The following ERLIN2 variants were observed in gnomAD, a reference collection of about 807,000 sequenced individuals.
ERLIN2 encodes the protein ER lipid raft associated 2.
In ERLIN2, 22 loss-of-function variants were observed where a neutral mutation model predicts 41.5. The ratio of observed to expected loss-of-function variants is 0.53; its 90% CI spans 0.38 to 0.76. ERLIN2 has a LOEUF of 0.76. ERLIN2 is among the 30% of genes least tolerant of loss of function. The probability of loss-of-function intolerance (pLI) is 0.00; values close to 1 mark genes in which losing one functional copy is unlikely to be tolerated. For missense variants in ERLIN2, 247 were observed against 414.3 expected (o/e 0.60, Z 3.51); for synonymous variants, 149 against 150.9 (o/e 0.99, Z 0.09).
At position 37,740,414 on chromosome 8, in the gene ERLIN2, C is replaced by T; in HGVS notation, c.157C>T (p.Leu53Phe). ...CAGCGGCCCTGGTTTCCATCTCATG[C>T]TCCCTTTCATCACATCATATAAGTC... ...STSGPGFHLM[L>F]PFITSYKSVQ... Residue 53 changes from leucine (L) to phenylalanine (F), a missense_variant, in exon 3 of 12, where the codon CTC becomes TTC. By Grantham distance (22) the Leu-to-Phe change is conservative. Coordinates refer to ENST00000519638, the MANE Select transcript of ERLIN2 (RefSeq NM_007175.8). The T allele has an allele frequency of 6.2e-7, 1 of 1,613,244 alleles. No individual in the cohort carries two copies.
chr8:37,738,089 A>G (rs1475663524), intron 2 of ERLIN2, 60 bp downstream of exon 2: 2 of 1,597,020 alleles, frequency 1.3e-6, no homozygotes, highest in East Asian at 2.2e-5. Flanking sequence ...TTTCCTGGTC[A>G]TTGCTTTCCT....
chr8:37,744,542 T>C, intron 5 of ERLIN2, 29 bp from the exon 6 acceptor site: 1 of 1,614,134 alleles, frequency 6.2e-7, no homozygotes, highest in Non-Finnish European at 8.5e-7. Context: ...TTGCCTTTTC[T>C]TATGCCAAGC....
rs1802856822 is a variant in ERLIN2 at position 37,741,704 on chromosome 8, G to A, written c.190-68G>A. 2 of 1,193,158 alleles carry A rather than the reference G, an allele frequency of 1.7e-6. No individual in the cohort carries two copies. Among genetic ancestry groups the A allele is most frequent in the Non-Finnish European group, 2.5e-6 (2 of 795,622 alleles). 73.9% of individuals were successfully genotyped at this position (1,193,158 alleles called of 1,614,324 possible). On this transcript the variant is annotated intron_variant, in intron 3 of 11. Coordinates refer to ENST00000519638, the MANE Select transcript of ERLIN2 (RefSeq NM_007175.8). The surrounding 1 kb of genome is among the most constrained non-coding windows in gnomAD (Gnocchi z 4.8). ...AGTTATTCCAGGACAAAGGCATTTA[G>A]GATTCTGAAAAGTAAGTTACTTTGT...
At position 37,754,218 on chromosome 8, in the gene ERLIN2, C is replaced by A; in HGVS notation, c.*103C>A. ...CCGACTACCTTCTCTGACTGTCTTC[C>A]AGTTACTGTGGTGAAAAAGAAGAAA... On this transcript the variant is annotated 3_prime_UTR_variant, in exon 12 of 12. Transcript: ENST00000519638. 1.1e-6 allele frequency: 1 copy of A among 881,672 alleles called. No homozygotes were observed. The highest frequency in any genetic ancestry group is 1.7e-5 in the African/African-American group (1 of 60,304). 54.6% of individuals were successfully genotyped at this position (881,672 alleles called of 1,614,324 possible).
At chr8:37,747,942 G>C (rs1563315342) in intron 6 of ERLIN2, 2 of 1,614,150 alleles carry the variant, frequency 1.2e-6, no homozygotes, top group Non-Finnish European at 1.7e-6. Context: ...TCTCGCCGTC[G>C]TCATATTCCT....
chr8:37,745,244 T>C, intron 6 of ERLIN2: 1 of 460,670 alleles, frequency 2.2e-6, no homozygotes, highest in Non-Finnish European at 3.8e-6. Context: ...TAGTTAATTC[T>C]AGAAGTGAGA....
rs1173254445 is a variant in ERLIN2 at position 37,750,466 on chromosome 8, A to C, written c.629A>C (p.Glu210Ala). 1 of 1,613,380 alleles carries C rather than the reference A, an allele frequency of 6.2e-7. No homozygotes were observed. Among genetic ancestry groups the C allele is most frequent in the African/African-American group, 1.3e-5 (1 of 74,916 alleles). ...GTGGTGGAAAAGGAAGCAGAGACAG[A>C]GCGGAAGAAGGCGCTCATTGGTCTG... ...QKVVEKEAET[E>A]RKKALIEAEK... The change falls in exon 9 of 12, where the codon GAG becomes GCG. Residue 210 changes from glutamate (E) to alanine (A), a missense_variant. By Grantham distance (107) the Glu-to-Ala change is moderately radical (BLOSUM62 -1). This residue lies in a region of ERLIN2 where 153 missense variants were observed against 256.4 expected (regional missense o/e 0.60). Coordinates refer to ENST00000519638, the MANE Select transcript of ERLIN2 (RefSeq NM_007175.8).
intron 10 of ERLIN2, among the ~76,000 whole-genome samples, chr8:37,752,232 C>T (rs2129721062): frequency 6.6e-6 from 1 of 152,310 alleles, no homozygotes; most frequent in African/African-American, 2.4e-5. Flanking sequence ...TCTTTGCTGG[C>T]TTTTCTGAAT....
At chr8:37,740,264 T>C (rs1163972163) in intron 2 of ERLIN2, 101 bp from the exon 3 acceptor site, 1 of 797,526 alleles carries the variant, frequency 1.3e-6, no homozygotes, top group African/African-American at 1.7e-5. Flanking sequence ...CTCTCTATTA[T>C]ATGTTTATAG....
rs556788208 is a variant in ERLIN2 at position 37,738,321 on chromosome 8, A to G, written c.107+292A>G. Among the ~76,000 whole-genome samples, 28 of 152,318 alleles carry G rather than the reference A, an allele frequency of 1.8e-4. No individual in the cohort carries two copies. The South Asian group carries it at 5.6e-3, about 30-fold the overall frequency. ...AATCTAAAGGAAACTGGTGCTCCTC[A>G]TTGATCATCCCTAAAATACTGTTTT... On this transcript the variant is annotated intron_variant, in intron 2 of 11. Transcript: ENST00000519638.
intron 6 of ERLIN2, chr8:37,746,596 C>T (rs1803060896): frequency 2.2e-6 from 2 of 890,388 alleles, no homozygotes; most frequent in Admixed American, 6.2e-5. Context: ...TAATGTATCC[C>T]TCCTATGTAT....
intron 8 of ERLIN2, chr8:37,750,090 AG>A (rs1397104576): frequency 1.9e-5 from 12 of 631,108 alleles, no homozygotes; most frequent in Non-Finnish European, 3.1e-5. Context: ...GAAAAGGGCC[AG>A]GGGGCCTTGT....
chr8:37,752,643 C>T (rs1217911911), intron 10 of ERLIN2, among the ~76,000 whole-genome samples: 1 of 152,194 alleles, frequency 6.6e-6, no homozygotes, highest in African/African-American at 2.4e-5. Context: ...CACAGACTAA[C>T]CTTTCTCCCA....
intron 6 of ERLIN2, chr8:37,747,554 T>C: frequency 6.2e-7 from 1 of 1,612,436 alleles, no homozygotes; most frequent in Non-Finnish European, 8.5e-7. Context: ...AACTTGCCCA[T>C]GTCTTTGGTC....
In ERLIN2 at chr8:37,757,642, T is replaced by C. The variant is rs889897811; in HGVS notation, c.*3527T>C. 1 of 152,254 alleles carries C rather than the reference T, an allele frequency of 6.6e-6. No individual in the cohort carries two copies. Among genetic ancestry groups the C allele is most frequent in the South Asian group, 2.1e-4 (1 of 4,838 alleles). The allele number at this position is 152,254 out of a possible 1,614,324, so 9.4% of individuals were successfully genotyped here. A position where few individuals can be genotyped will look rare whatever the true frequency, so the allele number is the denominator to read the frequency against. On this transcript the variant is annotated 3_prime_UTR_variant, in exon 12 of 12. Coordinates refer to ENST00000519638, the MANE Select transcript of ERLIN2 (RefSeq NM_007175.8). ...ATTTATGTCTTAGTTTTATTTGCAG[T>C]CTTGCTAAGTAAAATGAGTCTTTGT... is the stretch of plus-strand genomic sequence containing the variant.
chr8:37,745,573 G>A, intron 6 of ERLIN2: 1 of 1,613,968 alleles, frequency 6.2e-7, no homozygotes, highest in Non-Finnish European at 8.5e-7. Flanking sequence ...CACTAGGACT[G>A]GAAAATGATT....
At chr8:37,750,309 T>C in intron 8 of ERLIN2, 86 bp from the exon 9 acceptor site, 1 of 1,045,034 alleles carries the variant, frequency 9.6e-7, no homozygotes, top group Non-Finnish European at 1.5e-6. Flanking sequence ...AGTTTGCCTC[T>C]CTTCAGCAGA....
At chr8:37,744,011 T>C (rs956968671) in intron 4 of ERLIN2, among the ~76,000 whole-genome samples, 12 of 152,240 alleles carry the variant, frequency 7.9e-5, no homozygotes, top group African/African-American at 2.9e-4. Context: ...ACCTTCTAAG[T>C]TCTGAAAACT....
chr8:37,755,280 C>G lies in ERLIN2; in HGVS notation c.*1165C>G, dbSNP rs1803328823. 1 of 152,258 alleles carries G rather than the reference C, an allele frequency of 6.6e-6. No homozygotes were observed. The highest frequency in any genetic ancestry group is 1.5e-5 in the Non-Finnish European group (1 of 68,066). 9.4% of individuals were successfully genotyped at this position (152,258 alleles called of 1,614,324 possible). ...TGCCCAAGTCCCCAGGTTGGAATGG[C>G]TGTGCCAAAATCCATTCAAAGGGTT... is the stretch of plus-strand genomic sequence containing the variant. On this transcript the variant is annotated 3_prime_UTR_variant, in exon 12 of 12. Coordinates refer to ENST00000519638, the MANE Select transcript of ERLIN2 (RefSeq NM_007175.8).
Sources: gnomAD v4.1 joint callset for allele counts (sites outside exome capture counted in the v4.1 genomes callset) on GRCh38, gnomAD v4.1.1 for gene constraint, gnomAD v4.1.1 regional missense constraint, Gnocchi (gnomAD v3.1) non-coding constraint, MANE v1.5 for transcripts, NCBI Gene and HGNC (gene_info 2026-07-23, HGNC 2026-07-21) for gene names.